Variants in LDB2 observed in about 807,000 individuals in gnomAD.
LDB2 encodes the protein LIM domain binding 2.
LDB2 carries 12 observed loss-of-function variants against 44.3 expected under a neutral mutation model. The ratio of observed to expected loss-of-function variants is 0.27; its 90% confidence interval spans 0.17 to 0.44. The LOEUF is 0.44. LDB2 is among the 20% of genes least tolerant of loss of function. The probability of loss-of-function intolerance (pLI) is 1.00; values close to 1 mark genes in which losing one functional copy is unlikely to be tolerated. For missense variants in LDB2, 344 were observed against 473.5 expected (o/e 0.73, Z 2.54); for synonymous variants, 164 against 174.8 (o/e 0.94, Z 0.49).
intron 7 of LDB2, among the ~76,000 whole-genome samples, chr4:16,505,671 C>A (rs534316358): frequency 3.3e-5 from 5 of 151,450 alleles, no homozygotes; most frequent in Admixed American, 3.3e-4. Flanking sequence ...TCCTTCCCAT[C>A]TCTATCCTGT....
At chr4:16,814,621 A>G (rs946132424) in intron 1 of LDB2, among the ~76,000 whole-genome samples, 2 of 152,216 alleles carry the variant, frequency 1.3e-5, no homozygotes. Flanking sequence ...GCCCTAGCTG[A>G]TGCAACAATA....
In LDB2 at chr4:16,705,057, T is replaced by C. The variant is rs150155373; in HGVS notation, c.235+54101A>G. ...AACTTGCTCAAGTTCCCCATGTCTC[T>C]AATAAGAATAAAATGATTTCTGTTA... On this transcript the variant is annotated intron_variant, in intron 2 of 7. Coordinates refer to ENST00000304523, the MANE Select transcript of LDB2 (RefSeq NM_001290.5). Among the ~76,000 whole-genome samples the C allele has an allele frequency of 9.3e-3, 1,415 of 152,316 alleles. 26 individuals are homozygous for C. Among genetic ancestry groups the C allele is most frequent in the African/African-American group, 0.032 (1,318 of 41,570 alleles).
chr4:16,852,341 G>A (rs185226110), intron 1 of LDB2, among the ~76,000 whole-genome samples: 297 of 152,242 alleles, frequency 2.0e-3, no homozygotes, highest in Admixed American at 3.0e-3. Flanking sequence ...ATCACACAGC[G>A]TCAGATACAC....
chr4:16,653,676 G>T (rs1017558241), intron 2 of LDB2: 2 of 152,214 alleles, frequency 1.3e-5, no homozygotes, highest in Admixed American at 6.5e-5. Flanking sequence ...ATTCAGTGAG[G>T]AGAACAAATG....
chr4:16,809,322 T>C (rs1174371631), intron 1 of LDB2, among the ~76,000 whole-genome samples: 2 of 152,142 alleles, frequency 1.3e-5, no homozygotes, highest in African/African-American at 2.4e-5. Flanking sequence ...TTAACACAAA[T>C]ATTCAATTAA....
At chr4:16,683,246 G>A (rs1442818701) in intron 2 of LDB2, among the ~76,000 whole-genome samples, 2 of 152,134 alleles carry the variant, frequency 1.3e-5, no homozygotes, top group African/African-American at 4.8e-5. Context: ...CTGTACAGCT[G>A]GAAGATGTCA....
At chr4:16,636,209 G>T (rs1226610849) in intron 2 of LDB2, among the ~76,000 whole-genome samples, 1 of 152,212 alleles carries the variant, frequency 6.6e-6, no homozygotes, top group Non-Finnish European at 1.5e-5. Context: ...GGGAGCTGCG[G>T]TGGCCTGCTT....
In LDB2 at chr4:16,684,975, A is replaced by G. The variant is rs80173812; in HGVS notation, c.235+74183T>C. ...AAAACTTTACTTACAAAAACAGGCG[A>G]TGAGCTGCATTTGACCCACAAGCTG... On this transcript the variant is annotated intron_variant, in intron 2 of 7. Coordinates refer to ENST00000304523, the MANE Select transcript of LDB2 (RefSeq NM_001290.5). 5.6e-4 allele frequency among the ~76,000 whole-genome samples: 85 copies of G among 152,338 alleles called. 1 individual carries two copies. In the East Asian group the frequency reaches 0.014, roughly 24 times the overall value.
At chr4:16,780,789 T>C (rs980169171) in intron 1 of LDB2, among the ~76,000 whole-genome samples, 1 of 151,980 alleles carries the variant, frequency 6.6e-6, no homozygotes, top group East Asian at 1.9e-4. Context: ...TTGGGCTAAA[T>C]GCTTTATTAC....
At chr4:16,845,547 C>T (rs1051649644) in intron 1 of LDB2, among the ~76,000 whole-genome samples, 1 of 152,176 alleles carries the variant, frequency 6.6e-6, no homozygotes, top group African/African-American at 2.4e-5. Flanking sequence ...ATATGGGCTA[C>T]TACAAAATAC....
At chr4:16,614,333 C>CT (rs1170766396) in intron 2 of LDB2, among the ~76,000 whole-genome samples, 1 of 152,116 alleles carries the variant, frequency 6.6e-6, no homozygotes, top group Non-Finnish European at 1.5e-5. Context: ...AACACCTAGG[C>CT]AATACCATTC....
At chr4:16,645,818 C>G (rs976410100) in intron 2 of LDB2, among the ~76,000 whole-genome samples, 1 of 152,088 alleles carries the variant, frequency 6.6e-6, no homozygotes, top group African/African-American at 2.4e-5. Context: ...CTTCATCTTT[C>G]TAAGTCTCAA....
intron 1 of LDB2, among the ~76,000 whole-genome samples, chr4:16,838,538 G>C (rs1481460080): frequency 2.0e-5 from 3 of 152,144 alleles, no homozygotes; most frequent in Non-Finnish European, 2.9e-5. Flanking sequence ...CAAGATTTAG[G>C]AAGTGCTATT....
intron 2 of LDB2, chr4:16,750,719 T>C (rs1765328915): frequency 6.6e-6 from 1 of 152,272 alleles, no homozygotes; most frequent in African/African-American, 2.4e-5. Flanking sequence ...TAAACTTGAG[T>C]TTCAGATAAA....
intron 1 of LDB2, among the ~76,000 whole-genome samples, chr4:16,791,421 C>T (rs995275836): frequency 3.3e-5 from 5 of 151,584 alleles, no homozygotes; most frequent in African/African-American, 1.2e-4. Flanking sequence ...TGGGCATGGT[C>T]GTGAGCACCT....
chr4:16,739,574 A>G (rs1469543334), intron 2 of LDB2, among the ~76,000 whole-genome samples: 39 of 32,006 alleles, frequency 1.2e-3, no homozygotes, highest in Admixed American at 9.4e-3. Flanking sequence ...TGACAGAGGG[A>G]AAAAAAAAAA....
At chr4:16,766,795 C>T (rs1020735637) in intron 1 of LDB2, among the ~76,000 whole-genome samples, 3 of 152,046 alleles carry the variant, frequency 2.0e-5, no homozygotes, top group African/African-American at 7.2e-5. Context: ...CATGAGCGTG[C>T]TTGGCCCCAA....
intron 1 of LDB2, among the ~76,000 whole-genome samples, chr4:16,871,618 TTTC>T (rs1376693977): frequency 5.1e-4 from 25 of 48,844 alleles, no homozygotes; most frequent in African/African-American, 2.2e-3. Flanking sequence ...AAAACCACTC[TTTC>T]TTTTTTTTTT....
intron 1 of LDB2, among the ~76,000 whole-genome samples, chr4:16,877,263 A>T (rs188401159): frequency 2.8e-4 from 42 of 152,280 alleles, no homozygotes; most frequent in Non-Finnish European, 2.6e-4. Flanking sequence ...TTTCCTTCTT[A>T]TTCTAAGTTG....
Sources: gnomAD v4.1 joint callset for allele counts (sites outside exome capture counted in the v4.1 genomes callset) on GRCh38, gnomAD v4.1.1 for gene constraint, MANE v1.5 for transcripts, NCBI Gene and HGNC (gene_info 2026-07-23, HGNC 2026-07-21) for gene names.